ZBTB10: variants seen among roughly 807,000 people sequenced by gnomAD.
ZBTB10 encodes the protein zinc finger and BTB domain containing 10, also known as zinc finger and BTB domain-containing protein 10.
A neutral mutation model predicts 76.4 loss-of-function variants in ZBTB10; 32 were observed. The ratio of observed to expected loss-of-function variants is 0.42; its 90% CI spans 0.32 to 0.56. ZBTB10 has a LOEUF of 0.56. Ranked by LOEUF, ZBTB10 falls within the 20% of genes least tolerant of loss-of-function variation. The probability of loss-of-function intolerance (pLI) is 0.14; values close to 1 mark genes in which losing one functional copy is unlikely to be tolerated. For synonymous variants in ZBTB10, 523 were observed against 432.9 expected (o/e 1.21, Z -2.58); for missense variants, 1,057 against 1,098.5 (o/e 0.96, Z 0.53).
rs374163144 is a variant in ZBTB10 at position 80,510,651 on chromosome 8, T to G, written c.1862-3259T>G. ...ATTTTGTGAAACCAGTGTGTGTGTG[T>G]GTGTGTGTGTGTGTGTGTGTGTGTG... On this transcript the variant is annotated intron_variant, in intron 2 of 5. Transcript: ENST00000455036. Among the ~76,000 whole-genome samples, 1,207 of 146,154 alleles carry G rather than the reference T, an allele frequency of 8.3e-3. 18 individuals carry two copies. Among genetic ancestry groups the G allele is most frequent in the African/African-American group, 0.026 (1,020 of 39,352 alleles).
intron 1 of ZBTB10, among the ~76,000 whole-genome samples, chr8:80,493,437 G>A (rs974022430): frequency 1.2e-4 from 18 of 152,172 alleles, no homozygotes; most frequent in Admixed American, 3.3e-4. Flanking sequence ...ATTATCAAAT[G>A]TGTATGTGTT....
At chr8:80,515,907 G>A (rs1816314961) in intron 3 of ZBTB10, among the ~76,000 whole-genome samples, 1 of 152,058 alleles carries the variant, frequency 6.6e-6, no homozygotes, top group African/African-American at 2.4e-5. Flanking sequence ...CTTTATTTAG[G>A]CCACTCTTGT....
intron 2 of ZBTB10, among the ~76,000 whole-genome samples, chr8:80,504,475 A>G (rs1008477855): frequency 1.3e-5 from 2 of 152,206 alleles, no homozygotes; most frequent in South Asian, 4.1e-4. Context: ...AGGTGTACCC[A>G]TAGCTGCAGG....
intron 1 of ZBTB10, among the ~76,000 whole-genome samples, chr8:80,493,552 C>G (rs549016394): frequency 6.6e-6 from 1 of 151,800 alleles, no homozygotes; most frequent in South Asian, 2.1e-4. Flanking sequence ...CGCGGTGGCT[C>G]AGGCCTGTAA....
intron 1 of ZBTB10, among the ~76,000 whole-genome samples, chr8:80,497,258 A>G (rs1238490001): frequency 6.6e-6 from 1 of 152,100 alleles, no homozygotes. Context: ...GTAATCCAAT[A>G]CAACATACTG....
intron 2 of ZBTB10, among the ~76,000 whole-genome samples, chr8:80,508,488 T>G (rs1816113608): frequency 6.6e-6 from 1 of 152,234 alleles, no homozygotes; most frequent in South Asian, 2.1e-4. Context: ...GAGTCCCTTA[T>G]GCGGAACTTA....
At position 80,514,000 on chromosome 8, in the gene ZBTB10, G is replaced by A. The variant is rs1251974353; in HGVS notation, c.1952G>A (p.Gly651Asp). ...GAAGCTGGCACTAGTCAAGATGGAG[G>A]TGATGCTGGTAGGTACAGTAAGATT... ...LAEAGTSQDG[G>D]DAGTSHDFKY... Residue 651 changes from glycine to aspartate, a missense_variant, in exon 3 of 6, where the codon GGT (glycine) becomes GAT (aspartate). By Grantham distance (94) the Gly-to-Asp change is moderately conservative (BLOSUM62 -1). Transcript: ENST00000455036. The A allele has an allele frequency of 2.5e-6, 4 of 1,613,074 alleles. No homozygotes were observed. The African/African-American group carries it at 4.0e-5, about 16-fold the overall frequency.
chr8:80,487,867 A>T, intron 1 of ZBTB10, 85 bp downstream of exon 1: 1 of 1,419,384 alleles, frequency 7.0e-7, no homozygotes, highest in Admixed American at 2.6e-5. Context: ...CACCCCCGAA[A>T]AAAAACCTCA....
chr8:80,488,314 T>G (rs868234182), intron 1 of ZBTB10, among the ~76,000 whole-genome samples: 43 of 152,330 alleles, frequency 2.8e-4, no homozygotes, highest in African/African-American at 1.0e-3. Context: ...ATGAGAGCAG[T>G]ATGTAAATGT....
At chr8:80,490,676 T>C (rs1470223863) in intron 1 of ZBTB10, among the ~76,000 whole-genome samples, 1 of 152,186 alleles carries the variant, frequency 6.6e-6, no homozygotes, top group Non-Finnish European at 1.5e-5. Context: ...ACTCTTAATA[T>C]CTTGTCTTAA....
chr8:80,518,994 ATATT>A (rs758569857), intron 5 of ZBTB10, 40 bp downstream of exon 5: 20 of 1,539,440 alleles, frequency 1.3e-5, no homozygotes, highest in Non-Finnish European at 1.7e-5. Flanking sequence ...GAGATAAACT[ATATT>A]TATGTCAGTG....
intron 2 of ZBTB10, among the ~76,000 whole-genome samples, chr8:80,512,774 C>G (rs938469559): frequency 6.6e-6 from 1 of 152,160 alleles, no homozygotes; most frequent in African/African-American, 2.4e-5. Flanking sequence ...CTATTTCTCA[C>G]ACTTCCCTTT....
intron 2 of ZBTB10, among the ~76,000 whole-genome samples, chr8:80,506,074 A>G (rs531244949): frequency 1.3e-5 from 2 of 152,138 alleles, no homozygotes; most frequent in East Asian, 3.9e-4. Context: ...TTTCAAAACC[A>G]TGGGACATGG....
chr8:80,496,787 A>T (rs146958396), intron 1 of ZBTB10, among the ~76,000 whole-genome samples: 1 of 152,208 alleles, frequency 6.6e-6, no homozygotes, highest in African/African-American at 2.4e-5. Flanking sequence ...TGACTTGTAC[A>T]TGCTAATTCA....
chr8:80,517,827 T>C (rs1427384098), intron 3 of ZBTB10, among the ~76,000 whole-genome samples: 2 of 150,206 alleles, frequency 1.3e-5, no homozygotes, highest in African/African-American at 2.5e-5. Context: ...TTGTGGCGTC[T>C]GCACAATTAA....
At chr8:80,501,744 A>AT (rs1284515993) in intron 2 of ZBTB10, among the ~76,000 whole-genome samples, 1 of 152,180 alleles carries the variant, frequency 6.6e-6, no homozygotes, top group Non-Finnish European at 1.5e-5. Flanking sequence ...CGAATACTAT[A>AT]TATCTTTTTC....
intron 2 of ZBTB10, among the ~76,000 whole-genome samples, chr8:80,504,092 C>T (rs1815992215): frequency 6.6e-6 from 1 of 152,152 alleles, no homozygotes; most frequent in African/African-American, 2.4e-5. Flanking sequence ...TGCATGAAAA[C>T]CTTGAAATTA....
Position 80,486,746 on chromosome 8 carries a change from G to T in ZBTB10, c.-65G>T. On this transcript the variant is annotated 5_prime_UTR_variant, in exon 1 of 6. Transcript: ENST00000455036. ...ACAGAGGGGGAGCCGCGGGGAGCGC[G>T]CGGGACGCGGCCCGAGGCCGTGCGC... 1 of 1,041,606 alleles carries T rather than the reference G, an allele frequency of 9.6e-7. No individual in the cohort carries two copies. The highest frequency in any genetic ancestry group is 1.2e-6 in the Non-Finnish European group (1 of 866,928). The allele number at this position is 1,041,606 out of a possible 1,614,324, so 64.5% of individuals were successfully genotyped here.
chr8:80,508,682 G>A (rs1484048524), intron 2 of ZBTB10, among the ~76,000 whole-genome samples: 1 of 152,170 alleles, frequency 6.6e-6, no homozygotes, highest in African/African-American at 2.4e-5. Flanking sequence ...TTTGCTAGGA[G>A]GGGAAGAAGA....
Sources: gnomAD v4.1 joint callset for allele counts (sites outside exome capture counted in the v4.1 genomes callset) on GRCh38, gnomAD v4.1.1 for gene constraint, MANE v1.5 for transcripts, NCBI Gene and HGNC (gene_info 2026-07-23, HGNC 2026-07-21) for gene names.